SPOCK1: variants seen among roughly 807,000 people sequenced by gnomAD.
SPOCK1 encodes the protein SPARC (osteonectin), cwcv and kazal like domains proteoglycan 1.
In SPOCK1, 23 loss-of-function variants were observed where a neutral mutation model predicts 55.3. The ratio of observed to expected loss-of-function variants is 0.42; its 90% confidence interval spans 0.30 to 0.59. The LOEUF (loss-of-function observed/expected upper bound fraction) is 0.59. Ranked by LOEUF, SPOCK1 falls within the 20% of genes least tolerant of loss-of-function variation. The pLI is 0.22. For synonymous variants in SPOCK1, 226 were observed against 221.0 expected (o/e 1.02, Z -0.20); for missense variants, 499 against 552.5 (o/e 0.90, Z 0.97).
At chr5:137,213,906 C>G (rs557942731) in intron 3 of SPOCK1, among the ~76,000 whole-genome samples, 1 of 152,304 alleles carries the variant, frequency 6.6e-6, no homozygotes, top group African/African-American at 2.4e-5. Flanking sequence ...AGAACAGTGT[C>G]AACAGAAGTA....
chr5:137,308,443 A>G (rs953473497), intron 2 of SPOCK1, among the ~76,000 whole-genome samples: 10 of 152,224 alleles, frequency 6.6e-5, no homozygotes, highest in African/African-American at 2.4e-4. Flanking sequence ...GAAAACCAGA[A>G]GCCAGGGCAT....
intron 3 of SPOCK1, among the ~76,000 whole-genome samples, chr5:137,265,020 A>G (rs995914910): frequency 6.6e-6 from 1 of 152,170 alleles, no homozygotes; most frequent in Non-Finnish European, 1.5e-5. Context: ...CCAGTTTTCA[A>G]GCCTGCAGAG....
At chr5:137,223,633 G>T (rs187614399) in intron 3 of SPOCK1, among the ~76,000 whole-genome samples, 128 of 152,254 alleles carry the variant, frequency 8.4e-4, no homozygotes, top group African/African-American at 3.0e-3. Context: ...ACAATGAGAT[G>T]AAATTATTCT....
At chr5:137,316,474 A>C (rs1035714444) in intron 2 of SPOCK1, among the ~76,000 whole-genome samples, 1 of 152,146 alleles carries the variant, frequency 6.6e-6, no homozygotes, top group African/African-American at 2.4e-5. Context: ...AAGGAATTCG[A>C]GCAAAGTTTC....
intron 2 of SPOCK1, among the ~76,000 whole-genome samples, chr5:137,439,058 TCA>T (rs1334536394): frequency 6.6e-6 from 1 of 152,196 alleles, no homozygotes; most frequent in Non-Finnish European, 1.5e-5. Flanking sequence ...CATCTGAGTT[TCA>T]GTTTCCTTAT....
intron 5 of SPOCK1, among the ~76,000 whole-genome samples, chr5:137,086,558 C>T (rs182701100): frequency 2.0e-5 from 3 of 152,250 alleles, no homozygotes; most frequent in Admixed American, 2.0e-4. Context: ...AAGGCCTTCT[C>T]GGGAGGTGGC....
chr5:137,354,048 C>T (rs1750738156), intron 2 of SPOCK1, among the ~76,000 whole-genome samples: 1 of 152,188 alleles, frequency 6.6e-6, no homozygotes, highest in Non-Finnish European at 1.5e-5. Flanking sequence ...CCACCATTTT[C>T]ACTCACGTTC....
intron 5 of SPOCK1, among the ~76,000 whole-genome samples, chr5:137,105,206 G>A (rs1421284003): frequency 2.6e-5 from 4 of 152,184 alleles, no homozygotes; most frequent in African/African-American, 9.7e-5. Flanking sequence ...GTTCCAGCCT[G>A]TGGATGCACA....
intron 6 of SPOCK1, among the ~76,000 whole-genome samples, chr5:137,018,564 T>A (rs1751496457): frequency 6.6e-6 from 1 of 152,142 alleles, no homozygotes; most frequent in South Asian, 2.1e-4. Context: ...GATATGTACA[T>A]CCACAGAGGA....
chr5:137,331,912 C>T (rs141873049), intron 2 of SPOCK1, among the ~76,000 whole-genome samples: 2 of 152,292 alleles, frequency 1.3e-5, no homozygotes, highest in Non-Finnish European at 2.9e-5. Context: ...CATCATTGAC[C>T]TTCAAGTTCC....
At chr5:137,358,007 G>C (rs143752103) in intron 2 of SPOCK1, among the ~76,000 whole-genome samples, 123 of 152,152 alleles carry the variant, frequency 8.1e-4, no homozygotes, top group African/African-American at 2.9e-3. Flanking sequence ...CCAGAAATTT[G>C]CCTTCTGACA....
chr5:137,029,690 C>T (rs1288606876), intron 6 of SPOCK1, among the ~76,000 whole-genome samples: 1 of 152,214 alleles, frequency 6.6e-6, no homozygotes, highest in Non-Finnish European at 1.5e-5. Context: ...AATTTATTAG[C>T]TTCTACAGAA....
chr5:137,125,165 A>G (rs867495404), intron 4 of SPOCK1, among the ~76,000 whole-genome samples: 12 of 152,102 alleles, frequency 7.9e-5, no homozygotes, highest in Admixed American at 3.3e-4. Context: ...TTGGCCCTGT[A>G]CCCCCAGCTC....
chr5:137,322,672 T>C (rs1758001620), intron 2 of SPOCK1, among the ~76,000 whole-genome samples: 1 of 142,098 alleles, frequency 7.0e-6, no homozygotes, highest in Non-Finnish European at 1.5e-5. Flanking sequence ...ATAAGATACA[T>C]AAATGAAAAT....
At chr5:137,121,257 C>G (rs1047262631) in intron 4 of SPOCK1, among the ~76,000 whole-genome samples, 19 of 152,082 alleles carry the variant, frequency 1.2e-4, no homozygotes, top group Admixed American at 2.0e-4. Flanking sequence ...TAAATTTATT[C>G]AGAAAAGATG....
At chr5:137,003,938 G>T (rs1751194841) in intron 6 of SPOCK1, among the ~76,000 whole-genome samples, 1 of 152,134 alleles carries the variant, frequency 6.6e-6, no homozygotes, top group Admixed American at 6.5e-5. Flanking sequence ...TTCATTCACA[G>T]ATTACATGGG....
intron 2 of SPOCK1, among the ~76,000 whole-genome samples, chr5:137,464,155 C>T (rs7728245): frequency 0.59 from 90,047 of 151,720 alleles, 27,737 homozygotes; most frequent in African/African-American, 0.75. Context: ...ACAAAAATTA[C>T]CCAAGTATGA....
intron 2 of SPOCK1, among the ~76,000 whole-genome samples, chr5:137,418,362 T>C (rs1390933362): frequency 6.6e-6 from 1 of 152,204 alleles, no homozygotes; most frequent in Non-Finnish European, 1.5e-5. Flanking sequence ...TAGTTCTAGA[T>C]CCCTGAGGAA....
rs1407543154 is a variant in SPOCK1 at position 137,067,848 on chromosome 5, A to G, written c.475-19T>C. ...ATTTGCACTGCAAAAGAGAGACACA[A>G]CAGGTCTTAAGAATGCAGCCATAAC... is the stretch of plus-strand genomic sequence containing the variant. On this transcript the variant is annotated intron_variant, in intron 5 of 10. Transcript: ENST00000394945. The G allele has an allele frequency of 1.2e-6, 2 of 1,602,666 alleles. No homozygotes were observed. Among genetic ancestry groups the G allele is most frequent in the East Asian group, 2.2e-5 (1 of 44,822 alleles).
Sources: allele counts gnomAD v4.1 joint callset (sites outside exome capture counted in the v4.1 genomes callset), GRCh38; gene constraint gnomAD v4.1.1; transcripts MANE v1.5; gene names NCBI Gene and HGNC (gene_info 2026-07-23, HGNC 2026-07-21).